ABHD6: variants seen among roughly 807,000 people sequenced by gnomAD.
The protein encoded by ABHD6 is monoacylglycerol lipase ABHD6.
Under a neutral mutation model 38.8 loss-of-function variants are expected in ABHD6, and 33 were observed. The observed-to-expected ratio is 0.85, with a 90% CI of 0.64 to 1.14. ABHD6 has a LOEUF of 1.14. Ranked by LOEUF, ABHD6 falls within the 50% of genes most tolerant of loss-of-function variation. The probability of loss-of-function intolerance (pLI) is 0.00; values close to 1 mark genes in which losing one functional copy is unlikely to be tolerated. For synonymous variants in ABHD6, 147 were observed against 161.6 expected, an observed-to-expected ratio of 0.91 and a Z score of 0.69; for missense variants, 380 against 422.6, an observed-to-expected ratio of 0.90 and a Z score of 0.88.
At chr3:58,270,362 A>T (rs1448197395) in intron 5 of ABHD6, among the ~76,000 whole-genome samples, 1 of 152,152 alleles carries the variant, frequency 6.6e-6, no homozygotes. Context: ...AATACATATT[A>T]CCTTTGACTG....
At position 58,267,709 on chromosome 3, in the gene ABHD6, AC is replaced by A. The variant is rs1446995914; in HGVS notation, c.276+365del. On this transcript the variant is annotated intron_variant, in intron 4 of 9. Coordinates refer to ENST00000478253, the MANE Select transcript of ABHD6 (RefSeq NM_001320126.2). The surrounding 1 kb of genome is among the most constrained non-coding windows in gnomAD (Gnocchi z 4.3). ...AAGGAAGAAGAAGAAAAGGGTTTCC[AC>A]TAGGACATGATGTCATCAACAATGG... Among the ~76,000 whole-genome samples, 5 of 152,120 alleles carry A rather than the reference AC, an allele frequency of 3.3e-5. No homozygotes were observed. Among genetic ancestry groups the A allele is most frequent in the African/African-American group, 2.4e-5 (1 of 41,438 alleles).
chr3:58,263,388 C>G lies in ABHD6; in HGVS notation c.120-3801C>G, dbSNP rs949536754. Among the ~76,000 whole-genome samples the G allele has an allele frequency of 6.9e-6, 1 of 145,940 alleles. No homozygotes were observed. Among genetic ancestry groups the G allele is most frequent in the Non-Finnish European group, 1.5e-5 (1 of 66,568 alleles). ...CTAGGCAACGAGAGTGAAACTCCAT[C>G]TCAAAAAAAAAAAAAAAGAAAAAAT... is the stretch of plus-strand genomic sequence containing the variant. On this transcript the variant is annotated intron_variant, in intron 3 of 9. Transcript: ENST00000478253. This position sits in a 1 kb window ranked among gnomAD's most constrained non-coding sequence, Gnocchi z 4.9.
rs1482396840 is a variant in ABHD6, at chr3:58,257,001, TC to T, written c.119+297del. 6.6e-6 allele frequency among the ~76,000 whole-genome samples: 1 copy of T among 152,088 alleles called. No individual in the cohort carries two copies. Among genetic ancestry groups the T allele is most frequent in the East Asian group, 1.9e-4 (1 of 5,166 alleles). On this transcript the variant is annotated intron_variant, in intron 3 of 9. Coordinates refer to ENST00000478253, the MANE Select transcript of ABHD6 (RefSeq NM_001320126.2). This position sits in a 1 kb window ranked among gnomAD's most constrained non-coding sequence, Gnocchi z 4.8. ...TCACTGCAACCTCCACCTCCTGGCT[TC>T]AATCAATTTTCCTGCTTCAGCCTCC...
intron 1 of ABHD6, among the ~76,000 whole-genome samples, chr3:58,244,923 A>G (rs2097425276): frequency 6.6e-6 from 1 of 152,124 alleles, no homozygotes. Context: ...GTGTGGCTTT[A>G]CCATATATCC....
chr3:58,262,584 A>T (rs951292936), intron 3 of ABHD6, among the ~76,000 whole-genome samples: 1 of 152,144 alleles, frequency 6.6e-6, no homozygotes, highest in African/African-American at 2.4e-5. Flanking sequence ...TCCCACCTTA[A>T]TTCTTCTCTT....
At chr3:58,243,558 A>G (rs1274676385) in intron 1 of ABHD6, among the ~76,000 whole-genome samples, 1 of 152,074 alleles carries the variant, frequency 6.6e-6, no homozygotes, top group Admixed American at 6.6e-5. Context: ...AAAATAGAGA[A>G]AAAAACAGAA....
chr3:58,273,684 T>C lies in ABHD6; in HGVS notation c.524-974T>C, dbSNP rs988847345. ...GTGCGAGTTGAACAGTGAGAAGACA[T>C]GGACACAGAAAGGGGAACATCACAC... On this transcript the variant is annotated intron_variant, in intron 6 of 9. Transcript: ENST00000478253. The surrounding 1 kb of genome is among the most constrained non-coding windows in gnomAD (Gnocchi z 4.8). Among the ~76,000 whole-genome samples, 3 of 151,918 alleles carry C rather than the reference T, an allele frequency of 2.0e-5. No individual in the cohort carries two copies. Among genetic ancestry groups the C allele is most frequent in the African/African-American group, 7.3e-5 (3 of 41,312 alleles).
In ABHD6 at chr3:58,248,708, AAAAG is replaced by A. The variant is rs369846254; in HGVS notation, c.-90-1168_-90-1165del. Among the ~76,000 whole-genome samples, 119 of 152,346 alleles carry A rather than the reference AAAAG, an allele frequency of 7.8e-4. 2 individuals carry two copies. The highest frequency in any genetic ancestry group is 3.4e-3 in the Middle Eastern group (1 of 294). On this transcript the variant is annotated intron_variant, in intron 1 of 9. Transcript: ENST00000478253. ...AGCGAAACTCTATCTCAAAGAAAAAAAAAGAGAGAGATGATCATTAGGTCAAGGA... is the reference window on the plus strand; with the variant it reads ...AGCGAAACTCTATCTCAAAGAAAAAAAGAGAGATGATCATTAGGTCAAGGA...
chr3:58,282,943 G>T (rs1188581156), intron 7 of ABHD6, among the ~76,000 whole-genome samples: 1 of 152,182 alleles, frequency 6.6e-6, no homozygotes, highest in Non-Finnish European at 1.5e-5. Context: ...AATATTGAAG[G>T]TTATGGGACT....
intron 1 of ABHD6, among the ~76,000 whole-genome samples, chr3:58,240,509 G>A (rs1272416162): frequency 6.6e-6 from 1 of 152,140 alleles, no homozygotes; most frequent in Admixed American, 6.5e-5. Context: ...ATGCCAGGAA[G>A]CTAGTTCTGC....
rs373152605 is a variant in ABHD6, at chr3:58,293,699, A to C, written c.948A>C (p.Thr316=). The change falls in exon 10 of 10, where the codon ACA becomes ACC. Residue 316 remains threonine, a synonymous_variant. Transcript: ENST00000478253. The surrounding 1 kb of genome is among the most constrained non-coding windows in gnomAD (Gnocchi z 4.4). The part of the protein sequence containing the change: ...HSVVMERPRK[T]AKLIIDFLAS... ...TAGTGATGGAAAGACCCAGGAAGAC[A>C]GCCAAGCTCATAATCGACTTTTTAG... The C allele has an allele frequency of 6.2e-7, 1 of 1,614,120 alleles. No homozygotes were observed. Among genetic ancestry groups the C allele is most frequent in the African/African-American group, 1.3e-5 (1 of 74,950 alleles).
In ABHD6 at chr3:58,274,856, G is replaced by A. The variant is rs756550126; in HGVS notation, c.681+41G>A. ...CAGCGACACAACTACCCTCCCCAGAGGCCCGGGGGCGAGTACCAGCTTCCT... is the reference window on the plus strand; with the variant it reads ...CAGCGACACAACTACCCTCCCCAGAAGCCCGGGGGCGAGTACCAGCTTCCT... On this transcript the variant is annotated intron_variant, in intron 7 of 9. Transcript: ENST00000478253. 3 of 1,595,102 alleles carry A rather than the reference G, an allele frequency of 1.9e-6. No homozygotes were observed. In the East Asian group the frequency reaches 6.7e-5, roughly 36 times the overall value.
rs2097433252 is a variant in ABHD6, at chr3:58,256,245, A to T, written c.-25-317A>T. On this transcript the variant is annotated intron_variant, in intron 2 of 9. Coordinates refer to ENST00000478253, the MANE Select transcript of ABHD6 (RefSeq NM_001320126.2). This position sits in a 1 kb window ranked among gnomAD's most constrained non-coding sequence, Gnocchi z 4.3. ...TACATACATACATAATCACAATTTC[A>T]TCATCATACTCAAGAATTGTGTCAC... 6.6e-6 allele frequency among the ~76,000 whole-genome samples: 1 copy of T among 152,192 alleles called. No homozygotes were observed. The highest frequency in any genetic ancestry group is 2.4e-5 in the African/African-American group (1 of 41,444).
chr3:58,249,967 A>G (rs1024827341), intron 2 of ABHD6, 25 bp downstream of exon 2: 2 of 152,186 alleles, frequency 1.3e-5, no homozygotes, highest in Non-Finnish European at 2.9e-5. Context: ...TAACCACCAT[A>G]GATTTCCCCC....
At chr3:58,271,334 A>T (rs201057120) in intron 6 of ABHD6, among the ~76,000 whole-genome samples, 3 of 9,016 alleles carry the variant, frequency 3.3e-4, no homozygotes, top group Admixed American at 1.0e-3. Context: ...TTTAAAATTT[A>T]AAAAAAAAAA....
At position 58,293,511 on chromosome 3, in the gene ABHD6, T is replaced by C; in HGVS notation, c.838-78T>C. 1 of 1,511,998 alleles carries C rather than the reference T, an allele frequency of 6.6e-7. No individual in the cohort carries two copies. The highest frequency in any genetic ancestry group is 9.0e-7 in the Non-Finnish European group (1 of 1,114,086). 93.7% of individuals were successfully genotyped at this position (1,511,998 alleles called of 1,614,324 possible). On this transcript the variant is annotated intron_variant, in intron 9 of 9. Coordinates refer to ENST00000478253, the MANE Select transcript of ABHD6 (RefSeq NM_001320126.2). This position sits in a 1 kb window ranked among gnomAD's most constrained non-coding sequence, Gnocchi z 4.4. ...CCCACTGACCCCTGCCAGGCCTTGG[T>C]GGAAGTTCTGTCCACAGAGTGCACA... is the stretch of plus-strand genomic sequence containing the variant.
rs2097447570 is a variant in ABHD6, at chr3:58,274,752, C to A, written c.618C>A (p.Thr206=). Residue 206 remains threonine (T), a synonymous_variant, in exon 7 of 10, where the codon ACC becomes ACA. Coordinates refer to ENST00000478253, the MANE Select transcript of ABHD6 (RefSeq NM_001320126.2). ...AGAAGATTCCCTTGATCCCGTCTAC[C>A]CCAGAAGAGATGAGTGAAATGCTTC... is the stretch of plus-strand genomic sequence containing the variant. ...AVEKIPLIPS[T]PEEMSEMLQL... 1 of 1,614,208 alleles carries A rather than the reference C, an allele frequency of 6.2e-7. No homozygotes were observed. Among genetic ancestry groups the A allele is most frequent in the Non-Finnish European group, 8.5e-7 (1 of 1,180,038 alleles).
At chr3:58,241,163 A>G (rs966514568) in intron 1 of ABHD6, among the ~76,000 whole-genome samples, 1 of 152,228 alleles carries the variant, frequency 6.6e-6, no homozygotes, top group South Asian at 2.1e-4. Context: ...AAAGAATTAT[A>G]TGGCCTCCAG....
At chr3:58,289,697 C>G (rs2097460194) in intron 9 of ABHD6, among the ~76,000 whole-genome samples, 1 of 152,236 alleles carries the variant, frequency 6.6e-6, no homozygotes, top group African/African-American at 2.4e-5. Context: ...TCCCCCCTTT[C>G]TATTCCACAA....
Sources: allele counts gnomAD v4.1 joint callset (sites outside exome capture counted in the v4.1 genomes callset), GRCh38; gene constraint gnomAD v4.1.1; non-coding constraint Gnocchi (gnomAD v3.1); transcripts MANE v1.5; gene names NCBI Gene and HGNC (gene_info 2026-07-23, HGNC 2026-07-21).